The following SGCD variants were observed in gnomAD, a reference collection of about 807,000 sequenced individuals.
SGCD encodes delta-sarcoglycan.
In SGCD, 18 loss-of-function variants were observed where a neutral mutation model predicts 36.6. That is an observed-to-expected ratio of 0.49 (90% CI 0.34 to 0.73). The LOEUF (loss-of-function observed/expected upper bound fraction) is 0.73. Ranked by LOEUF, SGCD falls within the 30% of genes least tolerant of loss-of-function variation. The pLI, the probability that SGCD is intolerant of heterozygous loss-of-function variation, is 0.01. For missense variants in SGCD, 387 were observed against 346.7 expected, an observed-to-expected ratio of 1.12 and a Z score of -0.92; for synonymous variants, 133 against 130.6, an observed-to-expected ratio of 1.02 and a Z score of -0.12.
intron 3 of SGCD, among the ~76,000 whole-genome samples, chr5:156,389,903 T>TAC (rs34268804): frequency 0.53 from 80,122 of 150,652 alleles, 21,416 homozygotes; most frequent in Middle Eastern, 0.61. Context: ...TATATTATGT[T>TAC]ACACACACAC....
chr5:156,570,206 T>A (rs1759662077), intron 4 of SGCD, among the ~76,000 whole-genome samples: 1 of 152,210 alleles, frequency 6.6e-6, no homozygotes, highest in Non-Finnish European at 1.5e-5. Flanking sequence ...AGAAAATGTA[T>A]TCTGTGTGGC....
chr5:156,640,461 T>G (rs1402566338), intron 6 of SGCD, among the ~76,000 whole-genome samples: 3 of 152,200 alleles, frequency 2.0e-5, no homozygotes, highest in Non-Finnish European at 2.9e-5. Flanking sequence ...TTAAATATTT[T>G]TTGCAATATC....
chr5:156,440,720 G>A (rs56302474), intron 3 of SGCD, among the ~76,000 whole-genome samples: 1 of 152,080 alleles, frequency 6.6e-6, no homozygotes, highest in Non-Finnish European at 1.5e-5. Context: ...TGATAATTGA[G>A]CATAATTTCC....
intron 1 of SGCD, among the ~76,000 whole-genome samples, chr5:155,997,835 A>G (rs1184114176): frequency 6.6e-6 from 1 of 152,252 alleles, no homozygotes; most frequent in African/African-American, 2.4e-5. Context: ...AGACACTATG[A>G]AGAAGTGCTT....
intron 6 of SGCD, among the ~76,000 whole-genome samples, chr5:156,625,121 G>A (rs1394592857): frequency 6.6e-6 from 1 of 152,178 alleles, no homozygotes; most frequent in Admixed American, 6.5e-5. Context: ...TTAGGCCCCT[G>A]CTAGGAACAA....
At chr5:156,679,706 C>CA (rs1753650636) in intron 7 of SGCD, among the ~76,000 whole-genome samples, 1 of 152,108 alleles carries the variant, frequency 6.6e-6, no homozygotes, top group African/African-American at 2.4e-5. Context: ...TATTCTGTTC[C>CA]AAAAAATCCT....
chr5:156,014,556 G>A (rs1041830522), intron 1 of SGCD, among the ~76,000 whole-genome samples: 1 of 152,086 alleles, frequency 6.6e-6, no homozygotes, highest in Non-Finnish European at 1.5e-5. Context: ...TAAGAATAAA[G>A]CTATTCTCTT....
At chr5:156,525,542 A>ATT (rs1163214337) in intron 4 of SGCD, among the ~76,000 whole-genome samples, 24 of 145,652 alleles carry the variant, frequency 1.6e-4, no homozygotes, top group Admixed American at 1.1e-3. Flanking sequence ...CATTTTGTTG[A>ATT]TTTTTTTTTT....
At chr5:155,836,560 A>T in the SGCD span, among the ~76,000 whole-genome samples, 1 of 145,148 alleles carries the variant, frequency 6.9e-6, no homozygotes, top group Non-Finnish European at 1.5e-5. Context: ...GTTTGCTGTC[A>T]GGGTTCAGAG....
At chr5:156,724,594 G>A (rs1255352403) in intron 7 of SGCD, among the ~76,000 whole-genome samples, 2 of 151,254 alleles carry the variant, frequency 1.3e-5, no homozygotes, top group Non-Finnish European at 1.5e-5. Context: ...GTGACAGAGC[G>A]AGACTCCATC....
chr5:155,878,590 G>A (rs1755813841), intron 1 of SGCD, among the ~76,000 whole-genome samples: 1 of 152,038 alleles, frequency 6.6e-6, no homozygotes, highest in South Asian at 2.1e-4. Context: ...GAATACTCAA[G>A]ACTTTTTGGA....
At chr5:156,175,772 G>A (rs1033822665) in intron 3 of SGCD, among the ~76,000 whole-genome samples, 1 of 152,130 alleles carries the variant, frequency 6.6e-6, no homozygotes, top group Non-Finnish European at 1.5e-5. Context: ...GACTTCTGAT[G>A]AAGGTCAATT....
At chr5:156,227,619 T>G (rs1321870444) in intron 3 of SGCD, among the ~76,000 whole-genome samples, 1 of 152,060 alleles carries the variant, frequency 6.6e-6, no homozygotes, top group Non-Finnish European at 1.5e-5. Context: ...ATTTTAGAAT[T>G]GTTTTTTCGA....
chr5:155,990,204 G>A (rs1308401196), intron 1 of SGCD, among the ~76,000 whole-genome samples: 1 of 152,168 alleles, frequency 6.6e-6, no homozygotes, highest in Admixed American at 6.5e-5. Context: ...AAGGTTCTGA[G>A]CAGCTCTGAG....
chr5:156,197,893 T>C (rs551594580), intron 3 of SGCD, among the ~76,000 whole-genome samples: 2 of 152,262 alleles, frequency 1.3e-5, no homozygotes, highest in South Asian at 2.1e-4. Flanking sequence ...GATTAAACTA[T>C]GCTTATTAAC....
intron 7 of SGCD, among the ~76,000 whole-genome samples, chr5:156,727,868 G>A (rs562426319): frequency 6.6e-6 from 1 of 152,140 alleles, no homozygotes; most frequent in Non-Finnish European, 1.5e-5. Flanking sequence ...AAGTACAAAA[G>A]GCAGTTGGAA....
intron 1 of SGCD, among the ~76,000 whole-genome samples, chr5:156,051,164 A>C (rs1759907262): frequency 6.8e-6 from 1 of 146,634 alleles, no homozygotes; most frequent in Admixed American, 6.8e-5. Flanking sequence ...AGTATTATGG[A>C]TTGTTATTAA....
chr5:156,462,816 G>T (rs1341326347), intron 3 of SGCD, among the ~76,000 whole-genome samples: 1 of 151,898 alleles, frequency 6.6e-6, no homozygotes, highest in Non-Finnish European at 1.5e-5. Context: ...ACTTTCAATG[G>T]CTAAAACTGC....
chr5:156,604,118 T>G (rs955438260), intron 6 of SGCD, among the ~76,000 whole-genome samples: 2 of 152,046 alleles, frequency 1.3e-5, no homozygotes, highest in Non-Finnish European at 1.5e-5. Flanking sequence ...ATCTTCTTGT[T>G]GAATTGATTC....
Sources: allele counts gnomAD v4.1 joint callset (sites outside exome capture counted in the v4.1 genomes callset), GRCh38; gene constraint gnomAD v4.1.1; transcripts MANE v1.5; gene names NCBI Gene and HGNC (gene_info 2026-07-23, HGNC 2026-07-21).